ZFHX3: variants seen among roughly 807,000 people sequenced by gnomAD.
The protein encoded by ZFHX3 is zinc finger homeobox 3.
ZFHX3 carries 42 observed loss-of-function variants against 279.1 expected under a neutral mutation model. That is an observed-to-expected ratio of 0.15 (90% CI 0.12 to 0.19). ZFHX3 has a LOEUF of 0.19. Ranked by LOEUF, ZFHX3 falls within the 10% of genes least tolerant of loss-of-function variation. The pLI, the probability that ZFHX3 is intolerant of heterozygous loss-of-function variation, is 1.00. For synonymous variants in ZFHX3, 2,293 were observed against 1,957.8 expected (o/e 1.17, Z -4.52); for missense variants, 4,981 against 4,754.0 (o/e 1.05, Z -1.40).
At chr16:73,698,045 A>G (rs1220452147) in intron 1 of ZFHX3, among the ~76,000 whole-genome samples, 1 of 152,100 alleles carries the variant, frequency 6.6e-6, no homozygotes, top group Admixed American at 6.6e-5. Flanking sequence ...AAAGAGGAAG[A>G]GCCATATCAA....
chr16:73,353,409 C>A (rs1157331777), intron 3 of ZFHX3, among the ~76,000 whole-genome samples: 1 of 152,196 alleles, frequency 6.6e-6, no homozygotes, highest in East Asian at 1.9e-4. Context: ...CTGAAATGAG[C>A]ACACACTGGA....
At chr16:73,160,986 A>G (rs1967222417) in intron 5 of ZFHX3, among the ~76,000 whole-genome samples, 1 of 151,934 alleles carries the variant, frequency 6.6e-6, no homozygotes, top group African/African-American at 2.4e-5. Flanking sequence ...AGGTGACACA[A>G]GGCCTTTAGA....
intron 3 of ZFHX3, among the ~76,000 whole-genome samples, chr16:73,328,094 A>G (rs977249235): frequency 1.3e-5 from 2 of 152,080 alleles, no homozygotes; most frequent in African/African-American, 2.4e-5. Flanking sequence ...TTTATTTTTT[A>G]AAGGCAGAGC....
At chr16:73,696,593 G>A (rs1006396265) in intron 1 of ZFHX3, among the ~76,000 whole-genome samples, 1 of 152,154 alleles carries the variant, frequency 6.6e-6, no homozygotes, top group Non-Finnish European at 1.5e-5. Context: ...GCACCAACAG[G>A]GCCTGAAAGT....
intron 5 of ZFHX3, among the ~76,000 whole-genome samples, chr16:73,220,689 T>C (rs1314467359): frequency 6.6e-6 from 1 of 152,150 alleles, no homozygotes; most frequent in Non-Finnish European, 1.5e-5. Context: ...CTGAAATGTA[T>C]GTACCCTGCA....
chr16:73,717,134 C>G (rs914742728), intron 1 of ZFHX3, among the ~76,000 whole-genome samples: 1 of 152,200 alleles, frequency 6.6e-6, no homozygotes, highest in African/African-American at 2.4e-5. Flanking sequence ...CTGAACTATT[C>G]TGAACGCAGT....
intron 4 of ZFHX3, among the ~76,000 whole-genome samples, chr16:73,300,050 G>C (rs1248740865): frequency 6.6e-6 from 1 of 152,086 alleles, no homozygotes; most frequent in Non-Finnish European, 1.5e-5. Flanking sequence ...CTTTGCTACT[G>C]TTCCTTCCCA....
At chr16:72,895,255 C>G (rs78518383) in intron 3 of ZFHX3, among the ~76,000 whole-genome samples, 25,435 of 152,172 alleles carry the variant, frequency 0.17, 2,413 homozygotes, top group Non-Finnish European at 0.21. Flanking sequence ...GGGCATTCCC[C>G]CTTTGGCTTG....
intron 2 of ZFHX3, among the ~76,000 whole-genome samples, chr16:73,594,919 C>T (rs2052033578): frequency 6.6e-6 from 1 of 152,118 alleles, no homozygotes; most frequent in African/African-American, 2.4e-5. Context: ...CATCTTTAAC[C>T]ATGTGGGAAG....
intron 2 of ZFHX3, among the ~76,000 whole-genome samples, chr16:73,573,850 T>C (rs949356767): frequency 1.3e-5 from 2 of 152,214 alleles, no homozygotes; most frequent in African/African-American, 4.8e-5. Flanking sequence ...TGTGTGTGCA[T>C]ATTTACATAA....
At chr16:73,479,596 C>T (rs1372163100) in intron 2 of ZFHX3, among the ~76,000 whole-genome samples, 4 of 152,230 alleles carry the variant, frequency 2.6e-5, no homozygotes, top group African/African-American at 4.8e-5. Flanking sequence ...CGCCTGCCTC[C>T]TTCAACCTGT....
rs150598644 is a variant in ZFHX3 at position 73,359,720 on chromosome 16, C to A, written c.-1290-41384G>T. 5.9e-5 allele frequency among the ~76,000 whole-genome samples: 9 copies of A among 152,278 alleles called. No homozygotes were observed. In the East Asian group the frequency reaches 9.7e-4, roughly 16 times the overall value. ...GAAGTGGGTGAGTCTGAGAATAGCT[C>A]CCATTACCCACAAGTCACTGAAGCC... On this transcript the variant is annotated intron_variant, in intron 3 of 17. Transcript: ENST00000641206.
intron 4 of ZFHX3, among the ~76,000 whole-genome samples, chr16:72,838,003 C>A (rs376300627): frequency 6.6e-6 from 1 of 152,222 alleles, no homozygotes; most frequent in African/African-American, 2.4e-5. Flanking sequence ...GGGGCCACAG[C>A]GCCTGGAGTT....
intron 2 of ZFHX3, among the ~76,000 whole-genome samples, chr16:73,459,068 G>A (rs2018426315): frequency 6.6e-6 from 1 of 152,178 alleles, no homozygotes; most frequent in Non-Finnish European, 1.5e-5. Context: ...GCAAAGAGTA[G>A]ACACGTATGT....
chr16:73,386,796 A>G (rs2143384710), intron 3 of ZFHX3: 1 of 151,956 alleles, frequency 6.6e-6, no homozygotes, highest in African/African-American at 2.4e-5. Context: ...GCTGAGTGAC[A>G]ATCAGGCTGT....
At chr16:73,627,339 G>A (rs1488171507) in intron 2 of ZFHX3, among the ~76,000 whole-genome samples, 1 of 152,166 alleles carries the variant, frequency 6.6e-6, no homozygotes, top group Non-Finnish European at 1.5e-5. Context: ...CTCAGGAAAG[G>A]TGTCAACCGG....
intron 2 of ZFHX3, among the ~76,000 whole-genome samples, chr16:73,496,932 T>C (rs879047544): frequency 1.3e-5 from 2 of 152,176 alleles, no homozygotes; most frequent in Admixed American, 1.3e-4. Flanking sequence ...TTCTTGTGAT[T>C]CCACCTTCCA....
chr16:73,802,552 C>G (rs934114616), intron 1 of ZFHX3, among the ~76,000 whole-genome samples: 2 of 152,144 alleles, frequency 1.3e-5, no homozygotes, highest in Non-Finnish European at 2.9e-5. Flanking sequence ...ACACTAAACT[C>G]AGGGAAAAGA....
chr16:73,417,680 A>T (rs1470229621), intron 3 of ZFHX3, among the ~76,000 whole-genome samples: 2 of 151,802 alleles, frequency 1.3e-5, no homozygotes, highest in Non-Finnish European at 2.9e-5. Flanking sequence ...TAAAAAGGAA[A>T]AAGAGGCTGG....
Sources: gnomAD v4.1 joint callset for allele counts (sites outside exome capture counted in the v4.1 genomes callset) on GRCh38, gnomAD v4.1.1 for gene constraint, MANE v1.5 for transcripts, NCBI Gene and HGNC (gene_info 2026-07-23, HGNC 2026-07-21) for gene names.